The following WWOX variants were observed in gnomAD, a reference collection of about 807,000 sequenced individuals.
WWOX encodes the protein WW domain-containing oxidoreductase.
In WWOX, 69 loss-of-function variants were observed where a neutral mutation model predicts 46.2. The ratio of observed to expected loss-of-function variants is 1.49; its 90% CI spans 1.23 to 1.82. The LOEUF (loss-of-function observed/expected upper bound fraction) is 1.82, where lower values mean the gene tolerates loss of function less well. Among genes scored for constraint, WWOX ranks in the 40% most tolerant of loss-of-function variants. The pLI is 0.00. For synonymous variants in WWOX, 359 were observed against 202.6 expected, an observed-to-expected ratio of 1.77 and a Z score of -6.56; for missense variants, 919 against 542.6, an observed-to-expected ratio of 1.69 and a Z score of -6.89.
intron 8 of WWOX, among the ~76,000 whole-genome samples, chr16:78,770,357 A>G (rs928065431): frequency 3.3e-5 from 5 of 151,700 alleles, no homozygotes; most frequent in African/African-American, 1.2e-4. Flanking sequence ...TCTCAAACAA[A>G]AAAAAAATTT....
intron 8 of WWOX, among the ~76,000 whole-genome samples, chr16:78,569,947 G>A (rs921420466): frequency 2.0e-5 from 3 of 152,140 alleles, no homozygotes; most frequent in African/African-American, 7.2e-5. Flanking sequence ...CTTCCTCTTT[G>A]AATTTCACAT....
chr16:78,691,890 G>A (rs1037070074), intron 8 of WWOX, among the ~76,000 whole-genome samples: 22 of 152,196 alleles, frequency 1.4e-4, no homozygotes, highest in African/African-American at 5.1e-4. Context: ...CCCAGGGGGA[G>A]GTAATTGAAT....
At chr16:78,425,609 A>T (rs947792250) in intron 7 of WWOX, among the ~76,000 whole-genome samples, 1 of 152,222 alleles carries the variant, frequency 6.6e-6, no homozygotes, top group Non-Finnish European at 1.5e-5. Flanking sequence ...TCCTATTGCC[A>T]TTAGGAGAAT....
At position 78,341,947 on chromosome 16, in the gene WWOX, C is replaced by T. The variant is rs991671229; in HGVS notation, c.517-44913C>T. Among the ~76,000 whole-genome samples the T allele has an allele frequency of 5.9e-5, 6 of 102,016 alleles. 1 individual carries two copies. The highest frequency in any genetic ancestry group is 1.4e-4 in the Non-Finnish European group (6 of 44,300). 66.9% of individuals were successfully genotyped at this position (102,016 alleles called of 152,430 possible). On this transcript the variant is annotated intron_variant, in intron 5 of 8. Transcript: ENST00000566780. ...CCTTGGCAACATAGCAAGACCTCATCTCTACTTGGAAAAAAAAAATTAGCT... is the reference window on the plus strand; with the variant it reads ...CCTTGGCAACATAGCAAGACCTCATTTCTACTTGGAAAAAAAAAATTAGCT...
chr16:78,433,331 G>A (rs1235952392), intron 8 of WWOX, among the ~76,000 whole-genome samples: 1 of 152,148 alleles, frequency 6.6e-6, no homozygotes, highest in African/African-American at 2.4e-5. Flanking sequence ...ACATTTGGAA[G>A]TGTTTACAAA....
At chr16:78,996,322 G>C in intron 8 of WWOX, 1 of 983,680 alleles carries the variant, frequency 1.0e-6, no homozygotes, top group Non-Finnish European at 1.2e-6. Flanking sequence ...TTTTTCTACC[G>C]TGACAGAAGA....
chr16:78,630,119 G>C lies in WWOX; in HGVS notation c.1056+197367G>C, dbSNP rs140692830. On this transcript the variant is annotated intron_variant, in intron 8 of 8. Transcript: ENST00000566780. ...CTGTCACCAGTCACTGGCCCAGAGA[G>C]AGTCCTCAAAAATAATTGTTGAATG... is the stretch of plus-strand genomic sequence containing the variant. 2.3e-3 allele frequency among the ~76,000 whole-genome samples: 350 copies of C among 152,300 alleles called. 2 individuals are homozygous for C. The highest frequency in any genetic ancestry group is 7.7e-3 in the African/African-American group (322 of 41,562).
At chr16:78,118,648 A>C (rs1373779461) in intron 4 of WWOX, among the ~76,000 whole-genome samples, 1 of 152,190 alleles carries the variant, frequency 6.6e-6, no homozygotes, top group Non-Finnish European at 1.5e-5. Flanking sequence ...GGCAGAGATC[A>C]TCTAGCTCGC....
At chr16:78,301,506 G>A (rs1479643876) in intron 5 of WWOX, among the ~76,000 whole-genome samples, 1 of 152,104 alleles carries the variant, frequency 6.6e-6, no homozygotes, top group Admixed American at 6.5e-5. Context: ...TTCTGGCCCA[G>A]CTAAGAAGCT....
At chr16:78,958,391 T>A (rs2046210858) in intron 8 of WWOX, among the ~76,000 whole-genome samples, 1 of 152,246 alleles carries the variant, frequency 6.6e-6, no homozygotes, top group Non-Finnish European at 1.5e-5. Flanking sequence ...AATATATACT[T>A]ACTGTAAAAA....
chr16:78,984,631 T>C (rs1211095639), intron 8 of WWOX, among the ~76,000 whole-genome samples: 1 of 152,242 alleles, frequency 6.6e-6, no homozygotes, highest in East Asian at 1.9e-4. Context: ...TCAATGTTTC[T>C]GTCTCAACTG....
rs563944231 is a variant in WWOX, at chr16:78,795,562, T to C, written c.1056+362810T>C. ...ATTCTGAAAAAAAGGATTCAGGGTA[T>C]AATTTCTCACACAGATTTCTGGGAC... On this transcript the variant is annotated intron_variant, in intron 8 of 8. Transcript: ENST00000566780. Among the ~76,000 whole-genome samples, 6 of 152,348 alleles carry C rather than the reference T, an allele frequency of 3.9e-5. No homozygotes were observed. In the South Asian group the frequency reaches 1.0e-3, roughly 26 times the overall value.
chr16:78,731,524 C>G (rs1173205699), intron 8 of WWOX, among the ~76,000 whole-genome samples: 1 of 152,034 alleles, frequency 6.6e-6, no homozygotes, highest in South Asian at 2.1e-4. Flanking sequence ...TTCCTTTTTC[C>G]TTTCATTCCT....
chr16:78,861,981 A>G lies in WWOX; in HGVS notation c.1057-349627A>G, dbSNP rs557120273. On this transcript the variant is annotated intron_variant, in intron 8 of 8. Coordinates refer to ENST00000566780, the MANE Select transcript of WWOX (RefSeq NM_016373.4). ...GGTTGTAGTAGGAGTCTCTGGAGAA[A>G]TTGAACTAATACTATATGTGTGTGT... Among the ~76,000 whole-genome samples the G allele has an allele frequency of 3.9e-4, 59 of 152,290 alleles. 1 individual carries two copies. The highest frequency in any genetic ancestry group is 3.4e-3 in the Middle Eastern group (1 of 294).
At chr16:78,868,757 C>G (rs1413426438) in intron 8 of WWOX, among the ~76,000 whole-genome samples, 1 of 152,190 alleles carries the variant, frequency 6.6e-6, no homozygotes, top group East Asian at 1.9e-4. Flanking sequence ...CTATATATGT[C>G]TAAAATTCAC....
chr16:79,076,672 G>A (rs565602078), intron 8 of WWOX, among the ~76,000 whole-genome samples: 2 of 152,346 alleles, frequency 1.3e-5, no homozygotes, highest in South Asian at 2.1e-4. Context: ...AAACTTGAGA[G>A]TCAGACGGAT....
intron 8 of WWOX, among the ~76,000 whole-genome samples, chr16:79,210,033 C>G (rs367998346): frequency 6.6e-6 from 1 of 152,134 alleles, no homozygotes; most frequent in Non-Finnish European, 1.5e-5. Context: ...CTATTAAGTT[C>G]AAGTCATGTC....
chr16:78,251,685 G>T (rs1400931552), intron 5 of WWOX, among the ~76,000 whole-genome samples: 1 of 152,056 alleles, frequency 6.6e-6, no homozygotes, highest in African/African-American at 2.4e-5. Context: ...GGGAACACAT[G>T]GTGTCCTTGG....
At chr16:78,363,790 C>T (rs1007712753) in intron 5 of WWOX, among the ~76,000 whole-genome samples, 1 of 152,188 alleles carries the variant, frequency 6.6e-6, no homozygotes, top group Non-Finnish European at 1.5e-5. Flanking sequence ...CTCCAGCTTA[C>T]AGCGGAGACA....
Sources: gnomAD v4.1 joint callset for allele counts (sites outside exome capture counted in the v4.1 genomes callset) on GRCh38, gnomAD v4.1.1 for gene constraint, MANE v1.5 for transcripts, NCBI Gene and HGNC (gene_info 2026-07-23, HGNC 2026-07-21) for gene names.